The following PDCD1LG2 variants were observed in gnomAD, a reference collection of about 807,000 sequenced individuals.
The protein encoded by PDCD1LG2 is B7 dendritic cell molecule.
A neutral mutation model predicts 28.2 loss-of-function variants in PDCD1LG2; 32 were observed. That is an observed-to-expected ratio of 1.13 (90% CI 0.86 to 1.52). The LOEUF (loss-of-function observed/expected upper bound fraction) is 1.52, where lower values mean the gene tolerates loss of function less well. PDCD1LG2 is among the 40% of genes most tolerant of loss of function. PDCD1LG2 has a pLI of 0.00. For missense variants in PDCD1LG2, 385 were observed against 323.8 expected (o/e 1.19, Z -1.45); for synonymous variants, 116 against 120.2 (o/e 0.97, Z 0.23).
chr9:5,567,584 G>C (rs1032488953), intron 6 of PDCD1LG2, among the ~76,000 whole-genome samples: 1 of 152,126 alleles, frequency 6.6e-6, no homozygotes, highest in Non-Finnish European at 1.5e-5. Context: ...ATGTATCCTA[G>C]CTACCTCATT....
In PDCD1LG2 at chr9:5,544,112, T is replaced by C. The variant is rs1470455019; in HGVS notation, c.362-5223T>C. ...CATCTTTATTTCAGAAATTACAGCA[T>C]TGCTTGTAACATATCTGTCAGACAG... is the stretch of plus-strand genomic sequence containing the variant. On this transcript the variant is annotated intron_variant, in intron 3 of 6. Coordinates refer to ENST00000397747, the MANE Select transcript of PDCD1LG2 (RefSeq NM_025239.4). Among the ~76,000 whole-genome samples the C allele has an allele frequency of 5.1e-4, 77 of 152,226 alleles. 1 individual carries two copies. Among genetic ancestry groups the C allele is most frequent in the Non-Finnish European group, 1.9e-4 (13 of 68,042 alleles).
chr9:5,561,553 A>G (rs2129939528), intron 5 of PDCD1LG2, among the ~76,000 whole-genome samples: 1 of 152,364 alleles, frequency 6.6e-6, no homozygotes, highest in Admixed American at 6.5e-5. Context: ...GAACAATGGA[A>G]GGAGAAAGTA....
chr9:5,512,087 T>C (rs1820071414), intron 1 of PDCD1LG2, among the ~76,000 whole-genome samples: 1 of 152,260 alleles, frequency 6.6e-6, no homozygotes. Flanking sequence ...TTATGGGTCA[T>C]GCTTCAGAGT....
chr9:5,559,364 C>T (rs1422178011), intron 5 of PDCD1LG2, among the ~76,000 whole-genome samples: 1 of 152,228 alleles, frequency 6.6e-6, no homozygotes, highest in East Asian at 1.9e-4. Context: ...CTCCAACTCA[C>T]TTGCATTCAG....
chr9:5,552,300 C>T (rs1049137674), intron 4 of PDCD1LG2, among the ~76,000 whole-genome samples: 7 of 152,068 alleles, frequency 4.6e-5, no homozygotes, highest in South Asian at 2.1e-4. Context: ...ACTGGTCTGC[C>T]AATATTAAGA....
intron 2 of PDCD1LG2, among the ~76,000 whole-genome samples, chr9:5,528,277 T>C (rs980493396): frequency 4.9e-5 from 7 of 143,730 alleles, no homozygotes; most frequent in African/African-American, 1.9e-4. Flanking sequence ...ATATATATTT[T>C]ATATATATAT....
chr9:5,555,043 T>C (rs992157429), intron 4 of PDCD1LG2, among the ~76,000 whole-genome samples: 1 of 152,248 alleles, frequency 6.6e-6, no homozygotes, highest in Non-Finnish European at 1.5e-5. Context: ...TTGCATGCCT[T>C]ACTTGTGAGT....
At chr9:5,525,786 C>G (rs575280265) in intron 2 of PDCD1LG2, among the ~76,000 whole-genome samples, 2 of 152,006 alleles carry the variant, frequency 1.3e-5, no homozygotes, top group Middle Eastern at 3.4e-3. Context: ...TGGTGGCTCA[C>G]GCCTGTAATC....
chr9:5,550,335 G>T (rs1000661352), intron 4 of PDCD1LG2, among the ~76,000 whole-genome samples: 21 of 152,138 alleles, frequency 1.4e-4, no homozygotes, highest in African/African-American at 5.1e-4. Context: ...ACTTTTATCT[G>T]CCCAGTAAGG....
At chr9:5,527,717 G>A (rs1272251392) in intron 2 of PDCD1LG2, among the ~76,000 whole-genome samples, 1 of 152,112 alleles carries the variant, frequency 6.6e-6, no homozygotes, top group Non-Finnish European at 1.5e-5. Flanking sequence ...ATGGTTTATT[G>A]TGAGAAACTG....
At chr9:5,567,889 GA>G (rs1816695818) in intron 6 of PDCD1LG2, among the ~76,000 whole-genome samples, 1 of 152,172 alleles carries the variant, frequency 6.6e-6, no homozygotes, top group Admixed American at 6.5e-5. Flanking sequence ...AAAACAAAAA[GA>G]AGCCAGCTTT....
intron 6 of PDCD1LG2, among the ~76,000 whole-genome samples, chr9:5,566,400 C>T (rs753590190): frequency 6.6e-6 from 1 of 152,146 alleles, no homozygotes; most frequent in Non-Finnish European, 1.5e-5. Flanking sequence ...TTGCACTTCT[C>T]TGTGATTAAT....
chr9:5,527,800 T>C (rs565885276), intron 2 of PDCD1LG2, among the ~76,000 whole-genome samples: 2 of 152,080 alleles, frequency 1.3e-5, no homozygotes, highest in Non-Finnish European at 2.9e-5. Flanking sequence ...TAATTGTTCC[T>C]CATCCTTCCC....
At chr9:5,526,668 T>A (rs1413634076) in intron 2 of PDCD1LG2, among the ~76,000 whole-genome samples, 1 of 152,090 alleles carries the variant, frequency 6.6e-6, no homozygotes, top group Non-Finnish European at 1.5e-5. Context: ...AAACGCCTCG[T>A]CTCAAGCAAT....
At chr9:5,567,387 G>T (rs1170725731) in intron 6 of PDCD1LG2, among the ~76,000 whole-genome samples, 2 of 152,228 alleles carry the variant, frequency 1.3e-5, no homozygotes, top group Non-Finnish European at 2.9e-5. Context: ...CTTTCCATTT[G>T]TGGAAGTTGT....
At chr9:5,521,435 T>C (rs572467506) in intron 1 of PDCD1LG2, among the ~76,000 whole-genome samples, 168 of 152,286 alleles carry the variant, frequency 1.1e-3, no homozygotes, top group African/African-American at 3.9e-3. Context: ...AATAAAGCTG[T>C]TGAAATTTTT....
At chr9:5,548,624 G>A (rs1346120493) in intron 3 of PDCD1LG2, among the ~76,000 whole-genome samples, 1 of 152,156 alleles carries the variant, frequency 6.6e-6, no homozygotes, top group Non-Finnish European at 1.5e-5. Flanking sequence ...TTGAGGCAGG[G>A]AGCCATATCT....
rs1340372369 is a variant in PDCD1LG2, at chr9:5,532,397, GCAATTAAGAATGC to G, written c.56-2342_56-2330del. ...ATATCACTATCAAGTGTGCTGTGTG[GCAATTAAGAATGC>G]CAATTTGTGTGATCACAGGCAAGTT... is the stretch of plus-strand genomic sequence containing the variant. On this transcript the variant is annotated intron_variant, in intron 2 of 6. Coordinates refer to ENST00000397747, the MANE Select transcript of PDCD1LG2 (RefSeq NM_025239.4). Among the ~76,000 whole-genome samples, 7 of 152,318 alleles carry G rather than the reference GCAATTAAGAATGC, an allele frequency of 4.6e-5. No homozygotes were observed. In the East Asian group the frequency reaches 1.3e-3, roughly 29 times the overall value.
At chr9:5,541,840 T>C (rs945390013) in intron 3 of PDCD1LG2, among the ~76,000 whole-genome samples, 27 of 152,060 alleles carry the variant, frequency 1.8e-4, no homozygotes, top group African/African-American at 6.3e-4. Context: ...CTAAAATTCA[T>C]ATGGAACCAA....
Sources: allele counts gnomAD v4.1 joint callset (sites outside exome capture counted in the v4.1 genomes callset), GRCh38; gene constraint gnomAD v4.1.1; transcripts MANE v1.5; gene names NCBI Gene and HGNC (gene_info 2026-07-23, HGNC 2026-07-21).